Variants in TENM3 observed in about 807,000 individuals in gnomAD.
TENM3 encodes the protein teneurin-3.
TENM3 carries 63 observed loss-of-function variants against 255.1 expected under a neutral mutation model. That is an observed-to-expected ratio of 0.25 (90% confidence interval 0.20 to 0.30). The LOEUF (loss-of-function observed/expected upper bound fraction) is 0.30, where lower values mean the gene tolerates loss of function less well. Ranked by LOEUF, TENM3 falls within the 10% of genes least tolerant of loss-of-function variation. TENM3 has a pLI of 1.00. For missense variants in TENM3, 2,929 were observed against 3,461.1 expected (o/e 0.85, Z 3.86); for synonymous variants, 1,306 against 1,322.3 (o/e 0.99, Z 0.27).
At chr4:182,060,319 C>T in the TENM3 span, among the ~76,000 whole-genome samples, 4 of 152,124 alleles carry the variant, frequency 2.6e-5, no homozygotes, top group African/African-American at 9.7e-5. Context: ...CATGGAAGAC[C>T]ATTTCTCCAT....
At chr4:182,638,963 G>T (rs1381790847) in intron 5 of TENM3, among the ~76,000 whole-genome samples, 1 of 152,124 alleles carries the variant, frequency 6.6e-6, no homozygotes, top group African/African-American at 2.4e-5. Context: ...AGAATATGGG[G>T]CTCTTGGTTT....
chr4:181,767,049 A>G, the TENM3 span, among the ~76,000 whole-genome samples: 130,283 of 136,624 alleles, frequency 0.95, 62,500 homozygotes, highest in East Asian at 1. Flanking sequence ...TCAGGAGATC[A>G]AGACCATTCT....
chr4:182,767,812 G>A lies in TENM3; in HGVS notation c.4893-5660G>A, dbSNP rs575638324. Among the ~76,000 whole-genome samples, 297 of 152,302 alleles carry A rather than the reference G, an allele frequency of 2.0e-3. 1 individual carries two copies. Among genetic ancestry groups the A allele is most frequent in the African/African-American group, 6.8e-3 (283 of 41,562 alleles). ...GGGATGGCCCTGAGGAAGACCCGAG[G>A]AAGGCCCACTCATGAGGAAACTTGA... On this transcript the variant is annotated intron_variant, in intron 22 of 27. Transcript: ENST00000511685.
chr4:181,480,071 A>G, the TENM3 span, among the ~76,000 whole-genome samples: 1 of 152,164 alleles, frequency 6.6e-6, no homozygotes, highest in Non-Finnish European at 1.5e-5. Flanking sequence ...GCTAATTCCA[A>G]TATTTTTTCA....
intron 1 of TENM3, among the ~76,000 whole-genome samples, chr4:182,214,954 T>C (rs1047390484): frequency 1.3e-5 from 2 of 152,208 alleles, no homozygotes; most frequent in Non-Finnish European, 2.9e-5. Context: ...TAATTTTCTA[T>C]TCTAACACCC....
chr4:181,547,137 A>G, the TENM3 span, among the ~76,000 whole-genome samples: 1 of 152,340 alleles, frequency 6.6e-6, no homozygotes, highest in East Asian at 1.9e-4. Context: ...AAAGCAGAAC[A>G]AAATGAGGAA....
At chr4:181,701,862 T>C in the TENM3 span, among the ~76,000 whole-genome samples, 1 of 152,190 alleles carries the variant, frequency 6.6e-6, no homozygotes, top group South Asian at 2.1e-4. Context: ...TTAAAACCCA[T>C]GTAAAGCAAG....
At chr4:182,221,908 G>T (rs1335129697) in intron 1 of TENM3, among the ~76,000 whole-genome samples, 1 of 151,998 alleles carries the variant, frequency 6.6e-6, no homozygotes, top group Non-Finnish European at 1.5e-5. Flanking sequence ...TATGCTTTTT[G>T]GGGAGAGTTC....
chr4:182,777,503 A>C (rs1427971823), intron 24 of TENM3, among the ~76,000 whole-genome samples: 1 of 113,634 alleles, frequency 8.8e-6, no homozygotes, highest in Non-Finnish European at 1.7e-5. Flanking sequence ...TCTATACATA[A>C]TGTGTTTATG....
the TENM3 span, among the ~76,000 whole-genome samples, chr4:181,974,723 T>C: frequency 6.6e-6 from 1 of 152,200 alleles, no homozygotes; most frequent in Non-Finnish European, 1.5e-5. Flanking sequence ...GGAATACATT[T>C]ACTACCAGTG....
chr4:182,012,243 T>C, the TENM3 span, among the ~76,000 whole-genome samples: 1 of 152,204 alleles, frequency 6.6e-6, no homozygotes, highest in African/African-American at 2.4e-5. Flanking sequence ...GTTAGAACAA[T>C]CGCCCTGGCC....
At chr4:182,779,616 A>T (rs918450485) in intron 24 of TENM3, among the ~76,000 whole-genome samples, 6 of 152,018 alleles carry the variant, frequency 3.9e-5, no homozygotes, top group African/African-American at 1.5e-4. Context: ...CAGTTCTAGA[A>T]CCCTGAGGAA....
At chr4:182,722,628 G>A (rs1396797430) in intron 13 of TENM3, among the ~76,000 whole-genome samples, 1 of 152,178 alleles carries the variant, frequency 6.6e-6, no homozygotes, top group Non-Finnish European at 1.5e-5. Context: ...TTAAGGAGTT[G>A]TGACTTTACT....
chr4:182,162,179 G>A (rs530007557), intron 1 of TENM3, among the ~76,000 whole-genome samples: 109 of 151,816 alleles, frequency 7.2e-4, no homozygotes, highest in Non-Finnish European at 1.3e-3. Context: ...ACCACACCTG[G>A]CGAATTTCTT....
chr4:181,970,974 G>A, the TENM3 span, among the ~76,000 whole-genome samples: 1 of 152,064 alleles, frequency 6.6e-6, no homozygotes, highest in Non-Finnish European at 1.5e-5. Context: ...CAGAGAAGGG[G>A]TCTCACTCTA....
intron 20 of TENM3, among the ~76,000 whole-genome samples, chr4:182,753,051 A>G (rs1191923548): frequency 1.4e-5 from 2 of 145,688 alleles, no homozygotes; most frequent in Non-Finnish European, 3.0e-5. Context: ...GGTTCAAGCC[A>G]TTCTTCTGCC....
At chr4:181,722,384 C>T in the TENM3 span, among the ~76,000 whole-genome samples, 3 of 152,146 alleles carry the variant, frequency 2.0e-5, no homozygotes, top group African/African-American at 7.2e-5. Flanking sequence ...AGAGTATATC[C>T]TGTGGAGTAT....
intron 2 of TENM3, among the ~76,000 whole-genome samples, chr4:182,331,689 AAAAG>A (rs1243217991): frequency 1.3e-5 from 2 of 152,232 alleles, no homozygotes; most frequent in Non-Finnish European, 2.9e-5. Flanking sequence ...AATACAAACA[AAAAG>A]AAAGGAGGAA....
the TENM3 span, among the ~76,000 whole-genome samples, chr4:182,109,319 GAT>G: frequency 6.7e-6 from 1 of 149,206 alleles, no homozygotes; most frequent in Non-Finnish European, 1.5e-5. Flanking sequence ...AATCACTACA[GAT>G]AGTGATTATA....
Sources: gnomAD v4.1 joint callset for allele counts (sites outside exome capture counted in the v4.1 genomes callset) on GRCh38, gnomAD v4.1.1 for gene constraint, MANE v1.5 for transcripts, NCBI Gene and HGNC (gene_info 2026-07-23, HGNC 2026-07-21) for gene names.